Variants in KCNJ15 observed in about 807,000 individuals in gnomAD.
KCNJ15 encodes the protein ATP-sensitive inward rectifier potassium channel 15.
KCNJ15 carries 14 observed loss-of-function variants against 23.0 expected under a neutral mutation model. That is an observed-to-expected ratio of 0.61 (90% CI 0.40 to 0.95). The LOEUF (loss-of-function observed/expected upper bound fraction) is 0.95. KCNJ15 is among the 40% of genes least tolerant of loss of function. KCNJ15 has a pLI of 0.00. For synonymous variants in KCNJ15, 185 were observed against 183.2 expected (o/e 1.01, Z -0.08); for missense variants, 388 against 461.8 (o/e 0.84, Z 1.46).
At chr21:38,250,430 A>G (rs1979745240) in intron 1 of KCNJ15, among the ~76,000 whole-genome samples, 1 of 152,236 alleles carries the variant, frequency 6.6e-6, no homozygotes, top group Admixed American at 6.5e-5. Context: ...ATAAAGGGCC[A>G]TAAAACATGC....
chr21:38,300,066 C>T lies in KCNJ15; in HGVS notation c.805C>T (p.Pro269Ser), dbSNP rs746624220. 3.1e-6 allele frequency: 5 copies of T among 1,613,968 alleles called. No homozygotes were observed. Among genetic ancestry groups the T allele is most frequent in the African/African-American group, 1.3e-5 (1 of 74,890 alleles). Residue 269 changes from proline (P) to serine (S), a missense_variant, in exon 3 of 3, where the codon CCC (proline) becomes TCC (serine). By Grantham distance (74) the Pro-to-Ser change is moderately conservative. Transcript: ENST00000398938. ...DETSPLRDLTPQNLKEKEFEL... is the reference protein window; with the variant it reads ...DETSPLRDLTSQNLKEKEFEL... ...GACGAGCCCCCTGAGAGACCTCACA[C>T]CCCAAAACCTAAAGGAGAAGGAGTT...
At chr21:38,287,567 T>C (rs921439295) in intron 1 of KCNJ15, among the ~76,000 whole-genome samples, 4 of 152,228 alleles carry the variant, frequency 2.6e-5, no homozygotes, top group Admixed American at 6.5e-5. Flanking sequence ...ATAGCAAATA[T>C]AGCATGTGAC....
At chr21:38,250,254 A>G (rs947756074) in intron 1 of KCNJ15, among the ~76,000 whole-genome samples, 3 of 152,178 alleles carry the variant, frequency 2.0e-5, no homozygotes, top group African/African-American at 7.2e-5. Context: ...GCCCTCTTGC[A>G]TTGATGCCAG....
intron 1 of KCNJ15, 123 bp downstream of exon 1, chr21:38,257,308 T>C (rs1012740830): frequency 7.9e-5 from 12 of 152,214 alleles, no homozygotes; most frequent in African/African-American, 2.4e-4. Context: ...ATTTAAATCA[T>C]TTAAGACGCC....
At chr21:38,294,276 T>C (rs1984921100) in intron 1 of KCNJ15, among the ~76,000 whole-genome samples, 2 of 152,204 alleles carry the variant, frequency 1.3e-5, no homozygotes, top group Non-Finnish European at 2.9e-5. Flanking sequence ...TAACTTTTCT[T>C]ACAAACAGGA....
intron 1 of KCNJ15, among the ~76,000 whole-genome samples, chr21:38,290,534 G>A (rs1984490850): frequency 1.3e-5 from 2 of 152,224 alleles, no homozygotes; most frequent in South Asian, 2.1e-4. Flanking sequence ...AGGGTGAGAG[G>A]AGCACCTCTC....
At chr21:38,298,788 C>T (rs1396049971) in intron 2 of KCNJ15, among the ~76,000 whole-genome samples, 2 of 152,148 alleles carry the variant, frequency 1.3e-5, no homozygotes, top group East Asian at 3.8e-4. Flanking sequence ...ATTGGGAATA[C>T]ATGGTAGCTG....
chr21:38,289,333 A>G (rs753322159), intron 1 of KCNJ15, among the ~76,000 whole-genome samples: 2 of 152,180 alleles, frequency 1.3e-5, no homozygotes, highest in Non-Finnish European at 2.9e-5. Context: ...CCTTAACCAA[A>G]TGGTACTGTT....
intron 1 of KCNJ15, among the ~76,000 whole-genome samples, chr21:38,239,363 G>A (rs1367341890): frequency 2.0e-5 from 3 of 152,184 alleles, no homozygotes; most frequent in Admixed American, 6.5e-5. Flanking sequence ...TATGGCTCTC[G>A]GCTCAGGGAC....
chr21:38,248,018 A>G (rs920179615), intron 1 of KCNJ15, among the ~76,000 whole-genome samples: 2 of 152,164 alleles, frequency 1.3e-5, no homozygotes, highest in Non-Finnish European at 2.9e-5. Context: ...GGCTATGTTC[A>G]CTCCATCCAG....
intron 1 of KCNJ15, among the ~76,000 whole-genome samples, chr21:38,234,187 C>T (rs185234253): frequency 8.5e-4 from 130 of 152,282 alleles, no homozygotes; most frequent in African/African-American, 2.9e-3. Flanking sequence ...GTCCAACCTG[C>T]GGCCTGGGGA....
chr21:38,273,138 A>G (rs571845518), intron 1 of KCNJ15, among the ~76,000 whole-genome samples: 1 of 152,342 alleles, frequency 6.6e-6, no homozygotes, highest in East Asian at 1.9e-4. Context: ...GTTTCTTTCA[A>G]GATTATATAT....
chr21:38,242,389 C>T (rs1979069892), intron 1 of KCNJ15, among the ~76,000 whole-genome samples: 1 of 152,118 alleles, frequency 6.6e-6, no homozygotes, highest in South Asian at 2.1e-4. Context: ...CAAGATTGCA[C>T]ACGGGGCTAT....
At chr21:38,288,684 G>A (rs1327600070) in intron 1 of KCNJ15, among the ~76,000 whole-genome samples, 1 of 152,192 alleles carries the variant, frequency 6.6e-6, no homozygotes, top group Non-Finnish European at 1.5e-5. Flanking sequence ...AAAATTGGCA[G>A]ACTCAACATC....
chr21:38,262,231 T>C (rs938892926), intron 1 of KCNJ15, among the ~76,000 whole-genome samples: 1 of 152,218 alleles, frequency 6.6e-6, no homozygotes, highest in Admixed American at 6.5e-5. Flanking sequence ...GTACTCTTCC[T>C]ACCAACGCCA....
chr21:38,234,266 G>A (rs1978454195), intron 1 of KCNJ15, among the ~76,000 whole-genome samples: 1 of 152,168 alleles, frequency 6.6e-6, no homozygotes, highest in Non-Finnish European at 1.5e-5. Context: ...AAGACATTGA[G>A]GGTTTCTTTT....
intron 1 of KCNJ15, among the ~76,000 whole-genome samples, chr21:38,293,497 A>G (rs1984835771): frequency 6.6e-6 from 1 of 152,228 alleles, no homozygotes; most frequent in African/African-American, 2.4e-5. Flanking sequence ...GGAGCAACAT[A>G]CATCAACCAC....
intron 1 of KCNJ15, among the ~76,000 whole-genome samples, chr21:38,276,121 G>A (rs1306879194): frequency 2.0e-5 from 3 of 151,702 alleles, no homozygotes; most frequent in Non-Finnish European, 4.4e-5. Flanking sequence ...TACTGTTAAG[G>A]CATGAAGGAG....
intron 1 of KCNJ15, among the ~76,000 whole-genome samples, chr21:38,273,846 C>A (rs1982355888): frequency 6.6e-6 from 1 of 152,230 alleles, no homozygotes; most frequent in African/African-American, 2.4e-5. Flanking sequence ...TTTCATCCAA[C>A]CCTCTCATTT....
Sources: allele counts gnomAD v4.1 joint callset (sites outside exome capture counted in the v4.1 genomes callset), GRCh38; gene constraint gnomAD v4.1.1; transcripts MANE v1.5; gene names NCBI Gene and HGNC (gene_info 2026-07-23, HGNC 2026-07-21).